The following C2orf49 variants were observed in gnomAD, a reference collection of about 807,000 sequenced individuals.
The protein encoded by C2orf49 is tRNA splicing ligase complex subunit 2, also known as tRNA-splicing ligase complex subunit ASW.
C2orf49 carries 11 observed loss-of-function variants against 20.6 expected under a neutral mutation model. The ratio of observed to expected loss-of-function variants is 0.53; its 90% CI spans 0.34 to 0.88. The LOEUF (loss-of-function observed/expected upper bound fraction) is 0.88. C2orf49 is among the 40% of genes least tolerant of loss of function. The probability of loss-of-function intolerance (pLI) is 0.02; values close to 1 mark genes in which losing one functional copy is unlikely to be tolerated. For missense variants in C2orf49, 289 were observed against 274.2 expected (o/e 1.05, Z -0.38); for synonymous variants, 134 against 108.5 (o/e 1.24, Z -1.46).
intron 2 of C2orf49, among the ~76,000 whole-genome samples, chr2:105,341,885 G>GT (rs1476249009): frequency 2.0e-4 from 31 of 151,870 alleles, no homozygotes; most frequent in Non-Finnish European, 3.1e-4. Flanking sequence ...AATTAAAAGG[G>GT]TTTTTTTTTG....
chr2:105,357,486 C>T, the C2orf49 span, among the ~76,000 whole-genome samples: 1 of 152,046 alleles, frequency 6.6e-6, no homozygotes, highest in African/African-American at 2.4e-5. Flanking sequence ...ATTCCAGGAC[C>T]CCCTACAAAT....
the C2orf49 span, among the ~76,000 whole-genome samples, chr2:105,383,559 GC>G: frequency 6.6e-6 from 1 of 152,092 alleles, no homozygotes; most frequent in African/African-American, 2.4e-5. Flanking sequence ...ATTCCCATAG[GC>G]ATGCCAACAT....
At chr2:105,372,744 G>A in the C2orf49 span, among the ~76,000 whole-genome samples, 1 of 151,816 alleles carries the variant, frequency 6.6e-6, no homozygotes, top group Admixed American at 6.6e-5. Context: ...AGTCAAGATT[G>A]CACCACTGAA....
the C2orf49 span, among the ~76,000 whole-genome samples, chr2:105,355,768 TTTTGTG>T: frequency 2.0e-3 from 197 of 100,582 alleles, 1 homozygote; most frequent in East Asian, 5.8e-3. Context: ...GGAGAAAAAA[TTTTGTG>T]TGTGTGTGTG....
chr2:105,377,357 G>A, the C2orf49 span, among the ~76,000 whole-genome samples: 151 of 152,294 alleles, frequency 9.9e-4, no homozygotes, highest in African/African-American at 3.6e-3. Flanking sequence ...TTGGCCAGGC[G>A]AGGTGGCTCA....
rs545828913 is a variant in C2orf49 at position 105,338,833 on chromosome 2, A to G, written c.100-750A>G. Among the ~76,000 whole-genome samples the G allele has an allele frequency of 2.2e-4, 34 of 152,346 alleles. No homozygotes were observed. The South Asian group carries it at 6.4e-3, about 29-fold the overall frequency. The stretch of plus-strand genomic sequence containing the variant: ...TTGAAATTGAAGAGCCTGTGATCTC[A>G]TTTCCATTCTCATTTCTCCTTCTTA... On this transcript the variant is annotated intron_variant, in intron 1 of 3. Coordinates refer to ENST00000258457, the MANE Select transcript of C2orf49 (RefSeq NM_024093.3).
downstream of C2orf49, among the ~76,000 whole-genome samples, chr2:105,350,992 TTC>T (rs1382328013): frequency 1.4e-4 from 21 of 152,234 alleles, no homozygotes; most frequent in Non-Finnish European, 2.5e-4. Context: ...CATGTTAGGC[TTC>T]TCTTGGATGT....
chr2:105,338,004 G>A (rs1225577977), intron 1 of C2orf49, among the ~76,000 whole-genome samples: 1 of 152,182 alleles, frequency 6.6e-6, no homozygotes, highest in Non-Finnish European at 1.5e-5. Context: ...AAGAAGCGTG[G>A]AATAGACATG....
chr2:105,379,408 C>T, the C2orf49 span, among the ~76,000 whole-genome samples: 1 of 152,182 alleles, frequency 6.6e-6, no homozygotes, highest in African/African-American at 2.4e-5. Context: ...CTTAAAGCTC[C>T]ACGTTGGTAA....
At chr2:105,383,227 G>A in the C2orf49 span, among the ~76,000 whole-genome samples, 3 of 152,190 alleles carry the variant, frequency 2.0e-5, no homozygotes, top group Non-Finnish European at 2.9e-5. Context: ...AGCCCAGAAC[G>A]TAGGCAGATC....
chr2:105,352,439 T>TG (rs1399433195), downstream of C2orf49, among the ~76,000 whole-genome samples: 1 of 124,560 alleles, frequency 8.0e-6, no homozygotes, highest in Non-Finnish European at 1.8e-5. Context: ...GTTTTTTTTT[T>TG]TTTTTTTTTT....
chr2:105,381,349 G>A, the C2orf49 span, among the ~76,000 whole-genome samples: 3 of 152,106 alleles, frequency 2.0e-5, no homozygotes, highest in South Asian at 2.1e-4. Flanking sequence ...CTCCCTAGAC[G>A]TTAACTCACT....
chr2:105,340,588 A>G (rs555904228), intron 2 of C2orf49, among the ~76,000 whole-genome samples: 3 of 152,382 alleles, frequency 2.0e-5, no homozygotes, highest in East Asian at 1.9e-4. Flanking sequence ...TGAATAATAC[A>G]CAAATGAAGG....
chr2:105,367,739 C>CT, the C2orf49 span: 1 of 1,613,050 alleles, frequency 6.2e-7, no homozygotes. Flanking sequence ...CTTGCGGGTA[C>CT]CTGTCATCAG....
At chr2:105,371,443 T>C in the C2orf49 span, among the ~76,000 whole-genome samples, 1 of 151,982 alleles carries the variant, frequency 6.6e-6, no homozygotes, top group Non-Finnish European at 1.5e-5. Context: ...ATGCTCCCAT[T>C]TGGAACTGCA....
At chr2:105,378,899 G>A in the C2orf49 span, 1 of 152,230 alleles carries the variant, frequency 6.6e-6, no homozygotes, top group African/African-American at 2.4e-5. Context: ...CCACCTCCCT[G>A]CTGCAGTACA....
At chr2:105,352,520 C>T (rs1679962819), downstream of C2orf49, among the ~76,000 whole-genome samples, 1 of 148,144 alleles carries the variant, frequency 6.8e-6, no homozygotes, top group Non-Finnish European at 1.5e-5. Flanking sequence ...TCTCGGCCCA[C>T]TGCAACCTCT....
the C2orf49 span, among the ~76,000 whole-genome samples, chr2:105,384,904 G>A: frequency 1.7e-4 from 26 of 152,204 alleles, no homozygotes; most frequent in Non-Finnish European, 2.9e-4. Flanking sequence ...GCCTGGGCTG[G>A]AACTGGGCAG....
At chr2:105,377,360 G>A in the C2orf49 span, among the ~76,000 whole-genome samples, 1 of 152,196 alleles carries the variant, frequency 6.6e-6, no homozygotes, top group Admixed American at 6.5e-5. Context: ...GCCAGGCGAG[G>A]TGGCTCACGC....
Sources: allele counts gnomAD v4.1 joint callset (sites outside exome capture counted in the v4.1 genomes callset), GRCh38; gene constraint gnomAD v4.1.1; transcripts MANE v1.5; gene names NCBI Gene and HGNC (gene_info 2026-07-23, HGNC 2026-07-21).